Variants in JAKMIP2 observed in about 807,000 individuals in gnomAD.
JAKMIP2 encodes the protein janus kinase and microtubule interacting protein 2.
A neutral mutation model predicts 115.0 loss-of-function variants in JAKMIP2; 25 were observed. That is an observed-to-expected ratio of 0.22 (90% CI 0.16 to 0.30). The LOEUF (loss-of-function observed/expected upper bound fraction) is 0.30, where lower values mean the gene tolerates loss of function less well. JAKMIP2 is among the 10% of genes least tolerant of loss of function. JAKMIP2 has a pLI of 1.00. For synonymous variants in JAKMIP2, 334 were observed against 343.6 expected (o/e 0.97, Z 0.31); for missense variants, 642 against 957.6 (o/e 0.67, Z 4.35).
chr5:147,594,924 G>A (rs1389112858), intron 21 of JAKMIP2, among the ~76,000 whole-genome samples: 1 of 152,128 alleles, frequency 6.6e-6, no homozygotes, highest in Non-Finnish European at 1.5e-5. Flanking sequence ...AAATGTAACT[G>A]AAGCTGGAGG....
intron 1 of JAKMIP2, among the ~76,000 whole-genome samples, chr5:147,722,322 C>G (rs1017313596): frequency 2.6e-5 from 4 of 152,160 alleles, no homozygotes; most frequent in Non-Finnish European, 4.4e-5. Context: ...TTGTCTCTTG[C>G]TCTTTTTAGT....
At chr5:147,738,577 C>T (rs1265670709) in intron 1 of JAKMIP2, among the ~76,000 whole-genome samples, 1 of 152,070 alleles carries the variant, frequency 6.6e-6, no homozygotes, top group African/African-American at 2.4e-5. Flanking sequence ...AACAAGACTG[C>T]AATTGCAGAT....
At chr5:147,742,531 CAAT>C (rs1754189549) in intron 1 of JAKMIP2, among the ~76,000 whole-genome samples, 1 of 151,716 alleles carries the variant, frequency 6.6e-6, no homozygotes, top group African/African-American at 2.4e-5. Context: ...GGAAGACAGG[CAAT>C]AATGACAAAA....
chr5:147,607,980 T>G (rs183910927), intron 20 of JAKMIP2, among the ~76,000 whole-genome samples: 136 of 152,332 alleles, frequency 8.9e-4, no homozygotes, highest in African/African-American at 3.2e-3. Flanking sequence ...TATAGTATTC[T>G]CTGATCGTAG....
intron 1 of JAKMIP2, among the ~76,000 whole-genome samples, chr5:147,742,155 A>ATATATATTTTTTTT: frequency 2.8e-5 from 3 of 108,884 alleles, no homozygotes; most frequent in African/African-American, 1.1e-4. Flanking sequence ...ATATATATAT[A>ATATATATTTTTTTT]TTTTTTTTAC....
chr5:147,733,115 T>A (rs2126974173), intron 1 of JAKMIP2, among the ~76,000 whole-genome samples: 1 of 152,292 alleles, frequency 6.6e-6, no homozygotes, highest in East Asian at 1.9e-4. Flanking sequence ...AATCGTTTCA[T>A]CCTCATTGAT....
chr5:147,780,640 A>G (rs770962371), intron 1 of JAKMIP2, among the ~76,000 whole-genome samples: 12 of 152,166 alleles, frequency 7.9e-5, no homozygotes, highest in Non-Finnish European at 1.8e-4. Flanking sequence ...CTATGGATCT[A>G]TAATATATAA....
At chr5:147,638,782 G>A (rs746269031) in intron 10 of JAKMIP2, among the ~76,000 whole-genome samples, 3 of 151,840 alleles carry the variant, frequency 2.0e-5, no homozygotes, top group Non-Finnish European at 4.4e-5. Flanking sequence ...AAGTCACAAG[G>A]CTAGGAAACC....
intron 21 of JAKMIP2, 146 bp from the exon 22 acceptor site, chr5:147,591,832 C>T: frequency 1.8e-6 from 1 of 560,626 alleles, no homozygotes; most frequent in South Asian, 2.6e-5. Flanking sequence ...CATCTCTAAG[C>T]TTAGTTACTT....
chr5:147,754,131 G>A (rs1301926122), intron 1 of JAKMIP2, among the ~76,000 whole-genome samples: 3 of 152,080 alleles, frequency 2.0e-5, no homozygotes, highest in Non-Finnish European at 4.4e-5. Flanking sequence ...CTCTACTGAT[G>A]GTTCCAACTT....
chr5:147,671,650 G>C, intron 2 of JAKMIP2, 28 bp downstream of exon 2: 1 of 1,369,546 alleles, frequency 7.3e-7, no homozygotes, highest in South Asian at 2.1e-5. Context: ...TGCTCTTAAT[G>C]CCACGACCTC....
chr5:147,681,326 C>A (rs1760261695), intron 1 of JAKMIP2, among the ~76,000 whole-genome samples: 1 of 152,174 alleles, frequency 6.6e-6, no homozygotes, highest in Non-Finnish European at 1.5e-5. Context: ...ATCTACTAAG[C>A]AAACCCTTGA....
chr5:147,593,560 G>A (rs1426983198), intron 21 of JAKMIP2, among the ~76,000 whole-genome samples: 1 of 152,170 alleles, frequency 6.6e-6, no homozygotes, highest in Non-Finnish European at 1.5e-5. Context: ...GGGGGTACTT[G>A]GCTCATGCCT....
At chr5:147,637,654 G>A (rs1757688959) in intron 10 of JAKMIP2, among the ~76,000 whole-genome samples, 2 of 151,910 alleles carry the variant, frequency 1.3e-5, no homozygotes, top group Admixed American at 1.3e-4. Context: ...TGGCCTGGCT[G>A]GTCTCGAACT....
chr5:147,703,044 T>G (rs1752436860), intron 1 of JAKMIP2, among the ~76,000 whole-genome samples: 1 of 152,092 alleles, frequency 6.6e-6, no homozygotes, highest in Admixed American at 6.6e-5. Flanking sequence ...CCATAGTGAG[T>G]GAGTGGTGGA....
intron 1 of JAKMIP2, among the ~76,000 whole-genome samples, chr5:147,712,371 G>C (rs1474203854): frequency 6.6e-6 from 1 of 152,144 alleles, no homozygotes; most frequent in Non-Finnish European, 1.5e-5. Context: ...TTCACTAAAT[G>C]ACAGGATTTA....
chr5:147,735,516 G>T (rs1372937721), intron 1 of JAKMIP2, among the ~76,000 whole-genome samples: 1 of 151,882 alleles, frequency 6.6e-6, no homozygotes, highest in Admixed American at 6.6e-5. Flanking sequence ...ATCAGCTCTC[G>T]TAATTCTTAT....
intron 21 of JAKMIP2, 68 bp from the exon 22 acceptor site, chr5:147,591,754 CT>C (rs1285524121): frequency 9.8e-7 from 1 of 1,021,594 alleles, no homozygotes; most frequent in Non-Finnish European, 1.5e-6. Context: ...AAAAAACAAA[CT>C]TTAAAAAAAG....
chr5:147,745,056 C>CAAA (rs60275664), intron 1 of JAKMIP2, among the ~76,000 whole-genome samples: 1 of 88,404 alleles, frequency 1.1e-5, no homozygotes, highest in Non-Finnish European at 2.5e-5. Context: ...GACTCTGTCT[C>CAAA]AAAAAAAAAA....
Sources: allele counts gnomAD v4.1 joint callset (sites outside exome capture counted in the v4.1 genomes callset), GRCh38; gene constraint gnomAD v4.1.1; transcripts MANE v1.5; gene names NCBI Gene and HGNC (gene_info 2026-07-23, HGNC 2026-07-21).